ZBTB7A: variants seen among roughly 807,000 people sequenced by gnomAD.
ZBTB7A encodes the protein zinc finger and BTB domain containing 7A.
In ZBTB7A, 7 loss-of-function variants were observed where a neutral mutation model predicts 26.7. The observed-to-expected ratio is 0.26, with a 90% CI of 0.15 to 0.49. The LOEUF (loss-of-function observed/expected upper bound fraction) is 0.49, where lower values mean the gene tolerates loss of function less well. Ranked by LOEUF, ZBTB7A falls within the 20% of genes least tolerant of loss-of-function variation. The pLI is 0.98. For missense variants in ZBTB7A, 617 were observed against 919.5 expected (o/e 0.67, Z 4.25); for synonymous variants, 452 against 441.0 (o/e 1.02, Z -0.31).
chr19:4,060,035 G>A (rs559005312), intron 1 of ZBTB7A, among the ~76,000 whole-genome samples: 1 of 151,738 alleles, frequency 6.6e-6, no homozygotes, highest in South Asian at 2.1e-4. Context: ...CCCTGGGCTC[G>A]GCCCACACCC....
Position 4,054,666 on chromosome 19 carries a change from C to T in ZBTB7A, c.567G>A (p.Gly189=). 2.5e-6 allele frequency: 4 copies of T among 1,598,008 alleles called. No individual in the cohort carries two copies. The highest frequency in any genetic ancestry group is 2.6e-6 in the Non-Finnish European group (3 of 1,172,908). ...TGGCATCCAGGTCATCATCGGACGCCCCAAAGGCGGACCACGGGAAGCTGG... is the reference window on the plus strand; with the variant it reads ...TGGCATCCAGGTCATCATCGGACGCTCCAAAGGCGGACCACGGGAAGCTGG... ...AAASFPWSAF[G]ASDDDLDATK... is the part of the protein sequence containing the mutation. Residue 189 remains glycine (G), a synonymous_variant, in exon 2 of 3, where the codon GGG becomes GGA. Transcript: ENST00000322357.
intron 1 of ZBTB7A, among the ~76,000 whole-genome samples, chr19:4,056,348 T>C (rs10409301): frequency 0.95 from 145,419 of 152,300 alleles, 69,484 homozygotes; most frequent in African/African-American, 0.99. Context: ...GAGATGAGGC[T>C]GGCAAAACCC....
rs1310891230 is a variant in ZBTB7A, at chr19:4,047,761, T to C, written c.1746A>G (p.Gly582=). ...TTTCTCTTTTTGGTTTTTAGGCGAG[T>C]CCGGCTGTGAAGTTACCGTCGGTGG... ...GAATDGNFTA[G]LA The change falls in exon 3 of 3, where the codon GGA becomes GGG. Residue 582 remains glycine, a synonymous_variant. Coordinates refer to ENST00000322357, the MANE Select transcript of ZBTB7A (RefSeq NM_015898.4). 2 of 1,599,288 alleles carry C rather than the reference T, an allele frequency of 1.3e-6. No individual in the cohort carries two copies. Among genetic ancestry groups the C allele is most frequent in the South Asian group, 2.2e-5 (2 of 89,388 alleles).
chr19:4,054,213 C>T lies in ZBTB7A; in HGVS notation c.1020G>A (p.Glu340=). 6.3e-7 allele frequency: 1 copy of T among 1,586,934 alleles called. No homozygotes were observed. Among genetic ancestry groups the T allele is most frequent in the Non-Finnish European group, 8.5e-7 (1 of 1,172,566 alleles). ...AGAAAGDSDE[E]SRADDKGVMD... ...TGACGCCCTTGTCGTCGGCCCGCGA[C>T]TCCTCGTCGCTGTCCCCCGCCGCGG... The change falls in exon 2 of 3, where the codon GAG becomes GAA. Residue 340 remains glutamate, a synonymous_variant. Transcript: ENST00000322357.
Position 4,054,421 on chromosome 19 carries a change from T to C in ZBTB7A, c.812A>G (p.His271Arg), listed in dbSNP as rs1271530114. 1 of 1,369,250 alleles carries C rather than the reference T, an allele frequency of 7.3e-7. No homozygotes were observed. Among genetic ancestry groups the C allele is most frequent in the Non-Finnish European group, 9.3e-7 (1 of 1,070,466 alleles). The allele number at this position is 1,369,250 out of a possible 1,614,324, so 84.8% of individuals were successfully genotyped here. A position where few individuals can be genotyped will look rare whatever the true frequency, so the allele number is the denominator to read the frequency against. ...VAPPAATQNGHYGRGGEEEAA... is the reference protein window; with the variant it reads ...VAPPAATQNGRYGRGGEEEAA... ...CTCCTCCTCTCCGCCGCGGCCGTAG[T>C]GGCCGTTCTGCGTGGCGGCCGGCGG... The change falls in exon 2 of 3, where the codon CAC (histidine) becomes CGC (arginine). Residue 271 changes from histidine (H) to arginine (R), a missense_variant. Transcript: ENST00000322357.
intron 1 of ZBTB7A, among the ~76,000 whole-genome samples, chr19:4,063,069 A>G (rs350841): frequency 0.97 from 148,136 of 152,212 alleles, 72,100 homozygotes; most frequent in African/African-American, 0.99. Flanking sequence ...ACTGCAGGGC[A>G]GTTTATGGTC....
intron 1 of ZBTB7A, among the ~76,000 whole-genome samples, chr19:4,059,257 C>T (rs1233270396): frequency 3.3e-5 from 5 of 152,196 alleles, no homozygotes; most frequent in African/African-American, 1.2e-4. Flanking sequence ...CCAGGGTCCC[C>T]GCTCTGGAGT....
At position 4,044,006 on chromosome 19, in the gene ZBTB7A, T is replaced by G. The variant is rs1430684504; in HGVS notation, c.*3746A>C. Among the ~76,000 whole-genome samples, 8 of 152,158 alleles carry G rather than the reference T, an allele frequency of 5.3e-5. No homozygotes were observed. Among genetic ancestry groups the G allele is most frequent in the Admixed American group, 5.2e-4 (8 of 15,284 alleles). ...TCTGTTTTTCCTTTCATTCTCTCTG[T>G]CTTGCCTCCAACCATTCTGGTTGCC... On this transcript the variant is annotated 3_prime_UTR_variant, in exon 3 of 3. Coordinates refer to ENST00000322357, the MANE Select transcript of ZBTB7A (RefSeq NM_015898.4).
Position 4,045,573 on chromosome 19 carries a change from A to G in ZBTB7A, c.*2179T>C. 1 of 226,360 alleles carries G rather than the reference A, an allele frequency of 4.4e-6. No homozygotes were observed. The highest frequency in any genetic ancestry group is 8.4e-6 in the Non-Finnish European group (1 of 118,528). The allele number at this position is 226,360 out of a possible 1,614,324, so 14.0% of individuals were successfully genotyped here. A position where few individuals can be genotyped will look rare whatever the true frequency, so the allele number is the denominator to read the frequency against. On this transcript the variant is annotated 3_prime_UTR_variant, in exon 3 of 3. Coordinates refer to ENST00000322357, the MANE Select transcript of ZBTB7A (RefSeq NM_015898.4). The surrounding 1 kb of genome is among the most constrained non-coding windows in gnomAD (Gnocchi z 4.1). ...TAAAAAGCTTCCCTTTAACAATGAAAGAAAAAGAGACGAGAAGATGTGTGT... is the reference window on the plus strand; with the variant it reads ...TAAAAAGCTTCCCTTTAACAATGAAGGAAAAAGAGACGAGAAGATGTGTGT...
At chr19:4,049,145 T>C (rs1286672371) in intron 2 of ZBTB7A, among the ~76,000 whole-genome samples, 1 of 39,486 alleles carries the variant, frequency 2.5e-5, no homozygotes. Flanking sequence ...GCTATTAAAC[T>C]ATATGTGTGT....
intron 2 of ZBTB7A, 65 bp downstream of exon 2, chr19:4,053,906 G>A: frequency 4.0e-6 from 6 of 1,515,392 alleles, no homozygotes; most frequent in Non-Finnish European, 5.3e-6. Flanking sequence ...AGGCGGGAGG[G>A]GTCGTGAGCG....
chr19:4,054,368 C>T lies in ZBTB7A; in HGVS notation c.865G>A (p.Glu289Lys). 1.4e-6 allele frequency: 2 copies of T among 1,452,926 alleles called. No individual in the cohort carries two copies. Among genetic ancestry groups the T allele is most frequent in the Non-Finnish European group, 9.0e-7 (1 of 1,113,798 alleles). 90.0% of individuals were successfully genotyped at this position (1,452,926 alleles called of 1,614,324 possible). A position where few individuals can be genotyped will look rare whatever the true frequency, so the allele number is the denominator to read the frequency against. ...AGGAAGCCCGGAGAGTCGCCCGGCTCGGGGGCCGCCTCCGACAGCGAGGCG... is the reference window on the plus strand; with the variant it reads ...AGGAAGCCCGGAGAGTCGCCCGGCTTGGGGGCCGCCTCCGACAGCGAGGCG... ...EAASLSEAAP[E>K]PGDSPGFLSG... Residue 289 changes from glutamate (E) to lysine (K), a missense_variant, in exon 2 of 3, where the codon GAG (glutamate) becomes AAG (lysine). Around this residue, in one of 5 missense-constraint regions of ZBTB7A, gnomAD observed 331 missense variants for 391.3 expected, o/e 0.85. Transcript: ENST00000322357.
At position 4,054,561 on chromosome 19, in the gene ZBTB7A, G is replaced by C. The variant is rs753336520; in HGVS notation, c.672C>G (p.Pro224=). The part of the protein sequence containing the change: ...CNGLDFYGPG[P]PAERPPTGDG... ...CCCCCGTCGGGGGCCGCTCGGCCGG[G>C]GGGCCCGGCCCATAGAAGTCTAAGC... Residue 224 remains proline, a synonymous_variant, in exon 2 of 3, where the codon CCC becomes CCG. Transcript: ENST00000322357. 2.7e-6 allele frequency: 4 copies of C among 1,486,442 alleles called. No homozygotes were observed. Among genetic ancestry groups the C allele is most frequent in the Non-Finnish European group, 3.5e-6 (4 of 1,131,022 alleles). The allele number at this position is 1,486,442 out of a possible 1,614,324, so 92.1% of individuals were successfully genotyped here.
At chr19:4,053,528 C>A (rs76730288) in intron 2 of ZBTB7A, among the ~76,000 whole-genome samples, 3 of 143,302 alleles carry the variant, frequency 2.1e-5, no homozygotes, top group Non-Finnish European at 3.0e-5. Context: ...TGCGTGCGTG[C>A]GTGCATGTGT....
chr19:4,053,890 GGA>G (rs2040536307), intron 2 of ZBTB7A, 79 bp downstream of exon 2: 7 of 1,489,828 alleles, frequency 4.7e-6, no homozygotes, highest in African/African-American at 1.4e-5. Context: ...TGCGGTGCAG[GGA>G]GAGAGGCGGG....
Position 4,045,663 on chromosome 19 carries a change from G to T in ZBTB7A, c.*2089C>A. 2.7e-6 allele frequency: 1 copy of T among 375,530 alleles called. No individual in the cohort carries two copies. The highest frequency in any genetic ancestry group is 2.1e-5 in the African/African-American group (1 of 48,102). The allele number at this position is 375,530 out of a possible 1,614,324, so 23.3% of individuals were successfully genotyped here. A position where few individuals can be genotyped will look rare whatever the true frequency, so the allele number is the denominator to read the frequency against. On this transcript the variant is annotated 3_prime_UTR_variant, in exon 3 of 3. Coordinates refer to ENST00000322357, the MANE Select transcript of ZBTB7A (RefSeq NM_015898.4). The surrounding 1 kb of genome is among the most constrained non-coding windows in gnomAD (Gnocchi z 4.1). ...GACACCCCCCCGCCGGTTGGGCATT[G>T]ACAAGAAGTCTCAGTGCAGCAGAGC...
chr19:4,051,264 T>C (rs1442095867), intron 2 of ZBTB7A, among the ~76,000 whole-genome samples: 1 of 152,150 alleles, frequency 6.6e-6, no homozygotes, highest in Non-Finnish European at 1.5e-5. Flanking sequence ...TGCTGCTGCC[T>C]GTTGTGCCCC....
rs984981769 is a variant in ZBTB7A, at chr19:4,052,597, C to T, written c.1262+1374G>A. Among the ~76,000 whole-genome samples, 13 of 148,574 alleles carry T rather than the reference C, an allele frequency of 8.7e-5. No homozygotes were observed. Among genetic ancestry groups the T allele is most frequent in the Admixed American group, 7.3e-4 (11 of 14,978 alleles). On this transcript the variant is annotated intron_variant, in intron 2 of 2. Transcript: ENST00000322357. The surrounding 1 kb of genome is among the most constrained non-coding windows in gnomAD (Gnocchi z 4.9). ...GGCCTCTTTCTTCAGCCTCGGTGGG[C>T]GTGGCTGGGGGAACCCCAGGGCGGG...
rs1181215162 is a variant in ZBTB7A, at chr19:4,049,168, GTATATATATATATA to G, written c.1263-938_1263-925del. On this transcript the variant is annotated intron_variant, in intron 2 of 2. Coordinates refer to ENST00000322357, the MANE Select transcript of ZBTB7A (RefSeq NM_015898.4). ...ACTATATGTGTGTGTGTGTGTGTGTGTATATATATATATATATATATATATATATATATATATAT... is the reference window on the plus strand; with the variant it reads ...ACTATATGTGTGTGTGTGTGTGTGTGTATATATATATATATATATATATAT... 1.0e-3 allele frequency among the ~76,000 whole-genome samples: 15 copies of G among 14,954 alleles called. 1 individual carries two copies. The South Asian group carries it at 0.034, about 34-fold the overall frequency. 9.8% of individuals were successfully genotyped at this position (14,954 alleles called of 152,430 possible).
Sources: gnomAD v4.1 joint callset for allele counts (sites outside exome capture counted in the v4.1 genomes callset) on GRCh38, gnomAD v4.1.1 for gene constraint, gnomAD v4.1.1 regional missense constraint, Gnocchi (gnomAD v3.1) non-coding constraint, MANE v1.5 for transcripts, NCBI Gene and HGNC (gene_info 2026-07-23, HGNC 2026-07-21) for gene names.